NLRP14: variants seen among roughly 807,000 people sequenced by gnomAD.
The protein encoded by NLRP14 is NLR family pyrin domain containing 14, also known as NACHT, LRR and PYD domains-containing protein 14.
A neutral mutation model predicts 94.7 loss-of-function variants in NLRP14; 105 were observed. That is an observed-to-expected ratio of 1.11 (90% CI 0.95 to 1.30). The LOEUF (loss-of-function observed/expected upper bound fraction) is 1.30, where lower values mean the gene tolerates loss of function less well. NLRP14 is among the 50% of genes most tolerant of loss of function. The pLI, the probability that NLRP14 is intolerant of heterozygous loss-of-function variation, is 0.00. For synonymous variants in NLRP14, 508 were observed against 459.9 expected, an observed-to-expected ratio of 1.10 and a Z score of -1.34; for missense variants, 1,362 against 1,254.1, an observed-to-expected ratio of 1.09 and a Z score of -1.30.
Position 7,043,992 on chromosome 11 carries a change from T to C in NLRP14, c.1958+8T>C, listed in dbSNP as rs764374945. 1.9e-6 allele frequency: 3 copies of C among 1,613,674 alleles called. No individual in the cohort carries two copies. The highest frequency in any genetic ancestry group is 2.2e-5 in the East Asian group (1 of 44,878). ...CCTCCCAACTAACACTTGGTAAGTG[T>C]GTTAGGGCCATTCCCTGGAAGTGCC... On this transcript the variant is annotated splice_region_variant and intron_variant, in intron 4 of 11. Coordinates refer to ENST00000299481, the MANE Select transcript of NLRP14 (RefSeq NM_176822.4).
intron 10 of NLRP14, among the ~76,000 whole-genome samples, chr11:7,067,845 T>G (rs1219805957): frequency 6.6e-6 from 1 of 152,172 alleles, no homozygotes; most frequent in East Asian, 1.9e-4. Flanking sequence ...TCTTTTAGTT[T>G]CCTGAGAAGA....
chr11:7,048,232 G>T (rs1852389051), intron 5 of NLRP14, among the ~76,000 whole-genome samples: 1 of 152,124 alleles, frequency 6.6e-6, no homozygotes, highest in African/African-American at 2.4e-5. Context: ...TCCCTAACCT[G>T]TTAGGAATAA....
chr11:7,057,355 A>C (rs1378834572), intron 6 of NLRP14, among the ~76,000 whole-genome samples: 1 of 151,994 alleles, frequency 6.6e-6, no homozygotes, highest in African/African-American at 2.4e-5. Flanking sequence ...CCTTCACGCC[A>C]TATCTTCCAA....
chr11:7,033,821 G>A lies in NLRP14; in HGVS notation c.-21-4745G>A, dbSNP rs572251764. 7.9e-5 allele frequency among the ~76,000 whole-genome samples: 12 copies of A among 152,320 alleles called. No homozygotes were observed. The South Asian group carries it at 2.5e-3, about 32-fold the overall frequency. On this transcript the variant is annotated intron_variant, in intron 1 of 11. Transcript: ENST00000299481. ...CTGATGACCTTGACAGTTCTGAGAA[G>A]TACTAGTCAGGTAATTTGTATCATG...
chr11:7,063,573 A>G (rs1441733667), intron 10 of NLRP14, among the ~76,000 whole-genome samples: 3 of 152,050 alleles, frequency 2.0e-5, no homozygotes, highest in Non-Finnish European at 4.4e-5. Flanking sequence ...GCAGAGAGAA[A>G]GACCTATGGA....
intron 6 of NLRP14, among the ~76,000 whole-genome samples, chr11:7,053,145 G>T (rs1035458173): frequency 5.3e-5 from 8 of 152,054 alleles, no homozygotes; most frequent in Non-Finnish European, 8.8e-5. Context: ...AAATTGTGTG[G>T]TAAGACTGTA....
chr11:7,089,267 G>A, the NLRP14 span: 5 of 1,610,024 alleles, frequency 3.1e-6, no homozygotes, highest in African/African-American at 6.7e-5. Flanking sequence ...ACAAGTCGAG[G>A]GGCTTCGCGT....
intron 2 of NLRP14, 24 bp from the exon 3 acceptor site, chr11:7,039,690 T>C (rs1852217580): frequency 2.5e-6 from 4 of 1,586,882 alleles, no homozygotes; most frequent in Non-Finnish European, 3.5e-6. Flanking sequence ...TTAAATATCA[T>C]GATCCTATCG....
chr11:7,078,197 G>C, the NLRP14 span, among the ~76,000 whole-genome samples: 1 of 152,020 alleles, frequency 6.6e-6, no homozygotes, highest in African/African-American at 2.4e-5. Flanking sequence ...CTAGCACTTT[G>C]GGAGGCCAAG....
the NLRP14 span, among the ~76,000 whole-genome samples, chr11:7,082,317 T>G: frequency 0.63 from 95,672 of 152,018 alleles, 30,405 homozygotes; most frequent in East Asian, 0.8. Flanking sequence ...ACAATGCAAG[T>G]GTAAAACAAT....
rs772258317 is a variant in NLRP14, at chr11:7,042,441, G to T, written c.415G>T (p.Asp139Tyr). The T allele has an allele frequency of 2.6e-5, 42 of 1,613,860 alleles. No homozygotes were observed. The highest frequency in any genetic ancestry group is 3.3e-4 in the Middle Eastern group (2 of 6,082). ...RIKEKFCITW[D>Y]KKSLAGKPED... ...AAAGGAAAAATTTTGCATCACTTGG[G>T]ACAAGAAGTCTTTGGCTGGAAAGCC... Residue 139 changes from aspartate (D) to tyrosine (Y), a missense_variant, in exon 4 of 12, where the codon GAC becomes TAC. Transcript: ENST00000299481.
the NLRP14 span, among the ~76,000 whole-genome samples, chr11:7,084,075 G>A: frequency 2.0e-5 from 3 of 152,132 alleles, no homozygotes; most frequent in East Asian, 5.8e-4. Flanking sequence ...TTCAAACATA[G>A]AGGTGGCCTT....
intron 1 of NLRP14, among the ~76,000 whole-genome samples, chr11:7,030,831 C>G (rs1852081018): frequency 6.6e-6 from 1 of 152,200 alleles, no homozygotes; most frequent in Non-Finnish European, 1.5e-5. Flanking sequence ...CCCCGACTTC[C>G]TCTTTCCCAC....
At chr11:7,075,884 A>C (rs11041164), downstream of NLRP14, among the ~76,000 whole-genome samples, 1 of 152,136 alleles carries the variant, frequency 6.6e-6, no homozygotes, top group Non-Finnish European at 1.5e-5. Flanking sequence ...CTGCATGTCT[A>C]CCTTATTCAT....
intron 7 of NLRP14, among the ~76,000 whole-genome samples, 184 bp from the exon 8 acceptor site, chr11:7,058,096 C>T (rs763876953): frequency 2.0e-5 from 3 of 151,822 alleles, no homozygotes; most frequent in East Asian, 1.9e-4. Flanking sequence ...TCTCCCCTTC[C>T]GTGTTTTGTT....
the NLRP14 span, chr11:7,089,787 C>G: frequency 6.3e-7 from 1 of 1,596,950 alleles, no homozygotes; most frequent in Non-Finnish European, 8.5e-7. Flanking sequence ...CTACTCGAGC[C>G]GAGACTACCG....
chr11:7,079,039 T>A, the NLRP14 span, among the ~76,000 whole-genome samples: 23 of 152,164 alleles, frequency 1.5e-4, no homozygotes, highest in Non-Finnish European at 2.6e-4. Flanking sequence ...ATAATTGTCT[T>A]AGGGAATTAT....
At chr11:7,036,704 G>T (rs1472296294) in intron 1 of NLRP14, among the ~76,000 whole-genome samples, 1 of 146,948 alleles carries the variant, frequency 6.8e-6, no homozygotes, top group African/African-American at 2.4e-5. Flanking sequence ...AGTTATTTCA[G>T]TGGAATTGTG....
intron 8 of NLRP14, among the ~76,000 whole-genome samples, chr11:7,058,934 C>A (rs1183154264): frequency 6.6e-6 from 1 of 151,784 alleles, no homozygotes; most frequent in African/African-American, 2.4e-5. Flanking sequence ...TTAATTTGGC[C>A]AAATATGGTT....
Sources: allele counts gnomAD v4.1 joint callset (sites outside exome capture counted in the v4.1 genomes callset), GRCh38; gene constraint gnomAD v4.1.1; transcripts MANE v1.5; gene names NCBI Gene and HGNC (gene_info 2026-07-23, HGNC 2026-07-21).